Variants in FAM219A observed in about 807,000 individuals in gnomAD.
FAM219A encodes the protein protein FAM219A.
A neutral mutation model predicts 23.4 loss-of-function variants in FAM219A; 7 were observed. The observed-to-expected ratio is 0.30, with a 90% CI of 0.17 to 0.56. FAM219A has a LOEUF of 0.56. FAM219A is among the 20% of genes least tolerant of loss of function. The pLI is 0.92. For synonymous variants in FAM219A, 93 were observed against 99.0 expected (o/e 0.94, Z 0.36); for missense variants, 166 against 246.9 (o/e 0.67, Z 2.20).
At chr9:34,447,438 G>T (rs1823412025) in intron 1 of FAM219A, among the ~76,000 whole-genome samples, 2 of 152,202 alleles carry the variant, frequency 1.3e-5, no homozygotes, top group East Asian at 3.8e-4. Context: ...TTCAGTTTCA[G>T]GGGTGAGAAA....
intron 1 of FAM219A, chr9:34,406,350 C>T: frequency 1.0e-6 from 1 of 985,272 alleles, no homozygotes; most frequent in Non-Finnish European, 1.2e-6. Flanking sequence ...TCCTAGGTTC[C>T]TGTGAGTTTA....
chr9:34,416,310 C>CGAAGGAAGGAAGGAAG (rs138084194), intron 1 of FAM219A, among the ~76,000 whole-genome samples: 2 of 64,370 alleles, frequency 3.1e-5, no homozygotes, highest in Non-Finnish European at 6.2e-5. Flanking sequence ...AAGGAAGGAA[C>CGAAGGAAGGAAGGAAG]GAAGGAAGGA....
At position 34,401,655 on chromosome 9, in the gene FAM219A, T is replaced by C. The variant is rs1821437841; in HGVS notation, c.399+11A>G. ...CGGTGGTGTCTAGGGTGAGAAGGGG[T>C]AGGGGCTCACCTCAGCAGAGGAGTA... On this transcript the variant is annotated intron_variant, in intron 5 of 5. Coordinates refer to ENST00000651358, the MANE Select transcript of FAM219A (RefSeq NM_001184940.2). 2.5e-6 allele frequency: 4 copies of C among 1,605,082 alleles called. No individual in the cohort carries two copies. The South Asian group carries it at 3.4e-5, about 14-fold the overall frequency.
chr9:34,454,528 G>A (rs1470279462), intron 1 of FAM219A, among the ~76,000 whole-genome samples: 1 of 152,172 alleles, frequency 6.6e-6, no homozygotes, highest in Non-Finnish European at 1.5e-5. Context: ...GTTGCAACAA[G>A]GCCAATTAAA....
intron 1 of FAM219A, among the ~76,000 whole-genome samples, chr9:34,456,444 C>T (rs1564022004): frequency 6.6e-6 from 1 of 152,228 alleles, no homozygotes; most frequent in Non-Finnish European, 1.5e-5. Flanking sequence ...TTTCCTTGAA[C>T]AGCTATTTCC....
intron 4 of FAM219A, 147 bp from the exon 5 acceptor site, chr9:34,401,867 A>C: frequency 1.1e-6 from 1 of 922,804 alleles, no homozygotes; most frequent in South Asian, 1.7e-5. Context: ...TTGCTGTGCA[A>C]ATGCAGGATT....
At chr9:34,454,584 A>G (rs573021599) in intron 1 of FAM219A, among the ~76,000 whole-genome samples, 2 of 152,084 alleles carry the variant, frequency 1.3e-5, no homozygotes, top group South Asian at 2.1e-4. Context: ...CTTTCAGGCA[A>G]ACTCCCACCA....
At chr9:34,416,304 A>AAGGAAGGG in intron 1 of FAM219A, among the ~76,000 whole-genome samples, 1 of 116,860 alleles carries the variant, frequency 8.6e-6, no homozygotes, top group East Asian at 2.0e-4. Flanking sequence ...GGAAGGAAGG[A>AAGGAAGGG]AGGAACGAAG....
At chr9:34,418,653 C>T (rs955510122) in intron 1 of FAM219A, among the ~76,000 whole-genome samples, 1 of 152,198 alleles carries the variant, frequency 6.6e-6, no homozygotes, top group African/African-American at 2.4e-5. Context: ...AGTCTTGTGA[C>T]CTACAAGGTC....
chr9:34,429,741 C>A (rs1401992526), intron 1 of FAM219A, among the ~76,000 whole-genome samples: 7 of 152,002 alleles, frequency 4.6e-5, no homozygotes, highest in African/African-American at 1.7e-4. Flanking sequence ...CAATGTCCTT[C>A]CCTCTGCAAA....
chr9:34,412,498 C>A (rs1488283707), intron 1 of FAM219A, among the ~76,000 whole-genome samples: 1 of 151,732 alleles, frequency 6.6e-6, no homozygotes, highest in Non-Finnish European at 1.5e-5. Context: ...CCAGATGATA[C>A]CACTAGTTGG....
chr9:34,406,471 C>A (rs185427899), intron 1 of FAM219A: 61 of 985,448 alleles, frequency 6.2e-5, no homozygotes, highest in Non-Finnish European at 6.9e-5. Flanking sequence ...GACCAAGCCA[C>A]ACCAGCCTTC....
chr9:34,445,419 C>A (rs1160582620), intron 1 of FAM219A, among the ~76,000 whole-genome samples: 1 of 152,146 alleles, frequency 6.6e-6, no homozygotes, highest in African/African-American at 2.4e-5. Context: ...GTTAAGAGCT[C>A]ACTAGAATAT....
Position 34,458,164 on chromosome 9 carries a change from C to T in FAM219A, c.60+40G>A. The T allele has an allele frequency of 6.4e-7, 1 of 1,553,878 alleles. No homozygotes were observed. Among genetic ancestry groups the T allele is most frequent in the South Asian group, 1.2e-5 (1 of 84,328 alleles). On this transcript the variant is annotated intron_variant, in intron 1 of 5. Transcript: ENST00000651358. The surrounding 1 kb of genome is among the most constrained non-coding windows in gnomAD (Gnocchi z 6.6). ...TTCCCTCCCTCCCCCTCAAGCGACG[C>T]CCCCTCCGGCCTTGGCCTGCCCGCC...
At chr9:34,403,618 C>A (rs1297839813) in intron 2 of FAM219A, among the ~76,000 whole-genome samples, 3 of 152,238 alleles carry the variant, frequency 2.0e-5, no homozygotes, top group Non-Finnish European at 4.4e-5. Context: ...CATCAGGTGA[C>A]CCAGTCCACT....
At chr9:34,454,667 C>T (rs545063277) in intron 1 of FAM219A, among the ~76,000 whole-genome samples, 76 of 152,228 alleles carry the variant, frequency 5.0e-4, no homozygotes, top group African/African-American at 1.7e-3. Context: ...CCTCTTCCTC[C>T]CACTAGCTGA....
intron 1 of FAM219A, among the ~76,000 whole-genome samples, chr9:34,432,072 A>T (rs1459072688): frequency 6.6e-6 from 1 of 152,226 alleles, no homozygotes; most frequent in Non-Finnish European, 1.5e-5. Flanking sequence ...TGTAGCTTCC[A>T]GCCTACATTC....
intron 1 of FAM219A, among the ~76,000 whole-genome samples, chr9:34,445,778 G>A (rs1823348097): frequency 6.6e-6 from 1 of 152,194 alleles, no homozygotes; most frequent in African/African-American, 2.4e-5. Flanking sequence ...ACCTTTCTGG[G>A]AGTCTGCTTG....
intron 1 of FAM219A, among the ~76,000 whole-genome samples, chr9:34,434,689 C>T (rs1235715476): frequency 6.6e-6 from 1 of 152,214 alleles, no homozygotes; most frequent in Admixed American, 6.5e-5. Flanking sequence ...ATAGTTTTAC[C>T]TTGGGGAATG....
Sources: allele counts gnomAD v4.1 joint callset (sites outside exome capture counted in the v4.1 genomes callset), GRCh38; gene constraint gnomAD v4.1.1; non-coding constraint Gnocchi (gnomAD v3.1); transcripts MANE v1.5; gene names NCBI Gene and HGNC (gene_info 2026-07-23, HGNC 2026-07-21).